IREB2: variants seen among roughly 807,000 people sequenced by gnomAD.
IREB2 encodes iron-responsive element-binding protein 2.
IREB2 carries 39 observed loss-of-function variants against 118.8 expected under a neutral mutation model. The ratio of observed to expected loss-of-function variants is 0.33; its 90% CI spans 0.25 to 0.43. IREB2 has a LOEUF of 0.43. IREB2 is among the 20% of genes least tolerant of loss of function. The pLI, the probability that IREB2 is intolerant of heterozygous loss-of-function variation, is 1.00. For synonymous variants in IREB2, 372 were observed against 392.2 expected (o/e 0.95, Z 0.61); for missense variants, 900 against 1,147.3 (o/e 0.78, Z 3.11).
At chr15:78,448,870 T>A (rs1206589817) in intron 2 of IREB2, among the ~76,000 whole-genome samples, 1 of 152,216 alleles carries the variant, frequency 6.6e-6, no homozygotes, top group Non-Finnish European at 1.5e-5. Flanking sequence ...GCTGATGGGT[T>A]TCTCTGTTAC....
intron 5 of IREB2, among the ~76,000 whole-genome samples, chr15:78,466,906 TTTTCCTA>T (rs1449970689): frequency 1.5e-4 from 23 of 152,266 alleles, no homozygotes; most frequent in African/African-American, 5.3e-4. Context: ...GTTTCTTATC[TTTTCCTA>T]TTGCATTAAG....
chr15:78,466,968 G>A (rs1321640623), intron 5 of IREB2, among the ~76,000 whole-genome samples: 5 of 152,010 alleles, frequency 3.3e-5, no homozygotes, highest in African/African-American at 1.2e-4. Flanking sequence ...TGTAATCCTA[G>A]CACTTTGGGA....
At chr15:78,466,940 G>C (rs2051292960) in intron 5 of IREB2, among the ~76,000 whole-genome samples, 1 of 151,984 alleles carries the variant, frequency 6.6e-6, no homozygotes, top group African/African-American at 2.4e-5. Context: ...ATGTTGGCTG[G>C]GCGTAGTGGC....
Position 78,490,704 on chromosome 15 carries a change from C to T in IREB2, c.2267C>T (p.Ser756Leu). ...GACTCTGTCACAACAGATCATATAT[C>T]ACCTGCAGGAAGTATCGCTAGGAAT... ...LGDSVTTDHI[S>L]PAGSIARNSA... Residue 756 changes from serine to leucine, a missense_variant, in exon 18 of 22, where the codon TCA (serine) becomes TTA (leucine). Physicochemically the swap from Ser to Leu is moderately radical, Grantham distance 145. Coordinates refer to ENST00000258886, the MANE Select transcript of IREB2 (RefSeq NM_004136.4). The T allele has an allele frequency of 6.2e-7, 1 of 1,613,926 alleles. No individual in the cohort carries two copies. The highest frequency in any genetic ancestry group is 8.5e-7 in the Non-Finnish European group (1 of 1,179,786).
chr15:78,471,357 T>A (rs1394986715), intron 6 of IREB2, among the ~76,000 whole-genome samples: 1 of 152,202 alleles, frequency 6.6e-6, no homozygotes, highest in Non-Finnish European at 1.5e-5. Context: ...CTTTTGTTCC[T>A]CAAATGAAAT....
Position 78,500,326 on chromosome 15 carries a change from G to A in IREB2, c.*2183G>A, listed in dbSNP as rs1204014116. 1 of 151,996 alleles carries A rather than the reference G, an allele frequency of 6.6e-6. No homozygotes were observed. The highest frequency in any genetic ancestry group is 1.9e-4 in the East Asian group (1 of 5,194). 9.4% of individuals were successfully genotyped at this position (151,996 alleles called of 1,614,324 possible). ...ATCTTGTATTTCAGGAACAAATCAA[G>A]GTTCTCTTAATTTTTTGGCTTATAT... On this transcript the variant is annotated 3_prime_UTR_variant, in exon 22 of 22. Transcript: ENST00000258886.
intron 2 of IREB2, among the ~76,000 whole-genome samples, chr15:78,444,138 G>A (rs547878183): frequency 6.6e-6 from 1 of 151,456 alleles, no homozygotes; most frequent in Non-Finnish European, 1.5e-5. Context: ...GCTCACTGGA[G>A]CCTTGAACTC....
intron 18 of IREB2, among the ~76,000 whole-genome samples, chr15:78,492,029 G>A (rs992353950): frequency 3.3e-5 from 5 of 152,040 alleles, no homozygotes; most frequent in African/African-American, 1.2e-4. Context: ...TAATCCAGTA[G>A]TGCTCATCAA....
At position 78,465,394 on chromosome 15, in the gene IREB2, T is replaced by G; in HGVS notation, c.410+6T>G. The G allele has an allele frequency of 6.2e-7, 1 of 1,606,514 alleles. No individual in the cohort carries two copies. The highest frequency in any genetic ancestry group is 8.5e-7 in the Non-Finnish European group (1 of 1,176,702). On this transcript the variant is annotated splice_donor_region_variant and intron_variant, in intron 4 of 21. Coordinates refer to ENST00000258886, the MANE Select transcript of IREB2 (RefSeq NM_004136.4). ...CAAATTGACTTCAGTAAATGGTACT[T>G]CAATGCAGATATTTATAGACAGCCA...
At chr15:78,447,232 A>G (rs1447160581) in intron 2 of IREB2, among the ~76,000 whole-genome samples, 4 of 148,952 alleles carry the variant, frequency 2.7e-5, no homozygotes, top group Non-Finnish European at 5.9e-5. Context: ...GCTGGGGTAC[A>G]GTGATGCAGT....
In IREB2 at chr15:78,501,293, T is replaced by C. The variant is rs975000040; in HGVS notation, c.*3150T>C. 1 of 152,568 alleles carries C rather than the reference T, an allele frequency of 6.6e-6. No individual in the cohort carries two copies. Among genetic ancestry groups the C allele is most frequent in the African/African-American group, 2.4e-5 (1 of 41,424 alleles). The allele number at this position is 152,568 out of a possible 1,614,324, so 9.5% of individuals were successfully genotyped here. A position where few individuals can be genotyped will look rare whatever the true frequency, so the allele number is the denominator to read the frequency against. On this transcript the variant is annotated 3_prime_UTR_variant, in exon 22 of 22. Transcript: ENST00000258886. ...TCACTAAGTAATAGACAAAAATCAT[T>C]GTCTATTATTTAAAGCCAACAAAAC...
At position 78,488,653 on chromosome 15, in the gene IREB2, A is replaced by T. The variant is rs1185521757; in HGVS notation, c.1958A>T (p.Asp653Val). Reference protein sequence around the residue: ...IDFQTEPLGTDPTGKNIYLHD... With the variant: ...IDFQTEPLGTVPTGKNIYLHD... The stretch of plus-strand genomic sequence containing the variant: ...GTTCAAAAATTTTAACCAGGTACTG[A>T]CCCCACCGGCAAGAACATTTACCTG... The change falls in exon 16 of 22, where the codon GAC (aspartate) becomes GTC (valine). Residue 653 changes from aspartate to valine, a missense_variant. Transcript: ENST00000258886. The T allele has an allele frequency of 6.2e-7, 1 of 1,607,026 alleles. No homozygotes were observed. Among genetic ancestry groups the T allele is most frequent in the African/African-American group, 1.3e-5 (1 of 74,420 alleles).
chr15:78,459,472 C>G (rs574584540), intron 2 of IREB2, among the ~76,000 whole-genome samples: 1 of 152,208 alleles, frequency 6.6e-6, no homozygotes, highest in African/African-American at 2.4e-5. Context: ...GCCTCAGCCT[C>G]CTGAATAGCT....
At chr15:78,445,819 C>T (rs541692273) in intron 2 of IREB2, among the ~76,000 whole-genome samples, 2 of 151,800 alleles carry the variant, frequency 1.3e-5, no homozygotes, top group East Asian at 1.9e-4. Context: ...GGGTCTTGCT[C>T]TGTTGCCCAG....
At chr15:78,470,677 C>CT (rs1252773982) in intron 6 of IREB2, 76 bp downstream of exon 6, 3 of 333,032 alleles carry the variant, frequency 9.0e-6, no homozygotes, top group East Asian at 4.8e-5. Context: ...ATCTTTGTTT[C>CT]TTTTTCTTTT....
Position 78,499,151 on chromosome 15 carries a change from T to A in IREB2, c.*1008T>A, listed in dbSNP as rs2051894396. 6.6e-6 allele frequency: 1 copy of A among 152,258 alleles called. No homozygotes were observed. The highest frequency in any genetic ancestry group is 6.5e-5 in the Admixed American group (1 of 15,282). 9.4% of individuals were successfully genotyped at this position (152,258 alleles called of 1,614,324 possible). ...TTAATTAAATTGATTTCCTGTCATT[T>A]TGAATCATTTATCACCTGCGATGCA... On this transcript the variant is annotated 3_prime_UTR_variant, in exon 22 of 22. Transcript: ENST00000258886.
At chr15:78,497,834 C>T (rs1471210856) in intron 21 of IREB2, among the ~76,000 whole-genome samples, 199 bp from the exon 22 acceptor site, 6 of 152,108 alleles carry the variant, frequency 3.9e-5, no homozygotes, top group Non-Finnish European at 8.8e-5. Context: ...AACTATGAAG[C>T]CCATGGTCAG....
intron 2 of IREB2, among the ~76,000 whole-genome samples, chr15:78,452,818 G>A (rs1478875889): frequency 6.6e-6 from 1 of 152,158 alleles, no homozygotes; most frequent in African/African-American, 2.4e-5. Context: ...TTAGCCTGAC[G>A]TAGTTTCATG....
intron 2 of IREB2, among the ~76,000 whole-genome samples, chr15:78,459,070 G>A (rs983797399): frequency 6.6e-6 from 1 of 152,052 alleles, no homozygotes; most frequent in African/African-American, 2.4e-5. Flanking sequence ...GGGATTACAG[G>A]TATGTGCCAC....
Sources: allele counts gnomAD v4.1 joint callset (sites outside exome capture counted in the v4.1 genomes callset), GRCh38; gene constraint gnomAD v4.1.1; transcripts MANE v1.5; gene names NCBI Gene and HGNC (gene_info 2026-07-23, HGNC 2026-07-21).